The following TJP2 variants were observed in gnomAD, a reference collection of about 807,000 sequenced individuals.
TJP2 encodes tight junction protein 2.
A neutral mutation model predicts 133.1 loss-of-function variants in TJP2; 91 were observed. That is an observed-to-expected ratio of 0.68 (90% CI 0.58 to 0.81). TJP2 has a LOEUF of 0.81. Among genes scored for constraint, TJP2 ranks in the 40% least tolerant of loss-of-function variants. The pLI is 0.00. For missense variants in TJP2, 1,541 were observed against 1,565.6 expected, an observed-to-expected ratio of 0.98 and a Z score of 0.26; for synonymous variants, 592 against 583.4, an observed-to-expected ratio of 1.01 and a Z score of -0.21.
chr9:69,244,293 C>G (rs1830778852), intron 17 of TJP2, among the ~76,000 whole-genome samples: 1 of 151,992 alleles, frequency 6.6e-6, no homozygotes, highest in African/African-American at 2.4e-5. Context: ...TTATCATCCC[C>G]AAAAGATACC....
chr9:69,221,575 C>T (rs1416869251), intron 5 of TJP2, 79 bp downstream of exon 5: 28 of 1,523,260 alleles, frequency 1.8e-5, no homozygotes, highest in African/African-American at 8.3e-5. Flanking sequence ...TTTTTTCCCC[C>T]GAAAGTGTTG....
intron 1 of TJP2, among the ~76,000 whole-genome samples, chr9:69,188,995 G>A (rs1826035677): frequency 2.0e-5 from 3 of 152,186 alleles, no homozygotes; most frequent in Non-Finnish European, 2.9e-5. Flanking sequence ...AAGTTACCTT[G>A]GGGTCAAAGT....
chr9:69,202,340 C>T (rs1436807128), intron 1 of TJP2, among the ~76,000 whole-genome samples: 6 of 152,166 alleles, frequency 3.9e-5, no homozygotes, highest in Non-Finnish European at 7.4e-5. Context: ...AGCTCCTCCC[C>T]TTAACACTTA....
At chr9:69,231,253 G>A (rs1829756759) in intron 11 of TJP2, among the ~76,000 whole-genome samples, 1 of 152,076 alleles carries the variant, frequency 6.6e-6, no homozygotes, top group Non-Finnish European at 1.5e-5. Flanking sequence ...GGGATTACAG[G>A]TGAACTCTTA....
At chr9:69,136,035 C>T (rs947426964) in intron 1 of TJP2, among the ~76,000 whole-genome samples, 3 of 152,150 alleles carry the variant, frequency 2.0e-5, no homozygotes, top group African/African-American at 7.2e-5. Context: ...ATGACTATGA[C>T]ATCATACCTA....
intron 11 of TJP2, among the ~76,000 whole-genome samples, chr9:69,232,839 A>G (rs1489507025): frequency 6.6e-6 from 1 of 152,208 alleles, no homozygotes; most frequent in Non-Finnish European, 1.5e-5. Flanking sequence ...TTTAAAATAT[A>G]ACTACCATGT....
chr9:69,132,747 A>G (rs888020774), intron 1 of TJP2, among the ~76,000 whole-genome samples: 4 of 152,188 alleles, frequency 2.6e-5, no homozygotes, highest in Non-Finnish European at 5.9e-5. Flanking sequence ...TGAATGAGGA[A>G]AGGGGCAGTT....
intron 7 of TJP2, among the ~76,000 whole-genome samples, chr9:69,226,867 A>T (rs747724474): frequency 6.6e-6 from 1 of 152,218 alleles, no homozygotes. Flanking sequence ...GATAGCTAAA[A>T]CAAGTAGATG....
At chr9:69,147,873 T>C (rs554273710) in intron 1 of TJP2, among the ~76,000 whole-genome samples, 1 of 152,076 alleles carries the variant, frequency 6.6e-6, no homozygotes, top group East Asian at 1.9e-4. Context: ...CTTGTACCTA[T>C]AATACTCTTT....
In TJP2 at chr9:69,252,855, C is replaced by T. The variant is rs1425927058; in HGVS notation, c.3362C>T (p.Pro1121Leu). The T allele has an allele frequency of 6.2e-7, 1 of 1,614,130 alleles. No homozygotes were observed. The highest frequency in any genetic ancestry group is 2.2e-5 in the East Asian group (1 of 44,878). Reference protein sequence around the residue: ...AQKHPDIYAVPIKTHKPDPGT... With the variant: ...AQKHPDIYAVLIKTHKPDPGT... ...AAGCATCCTGATATCTATGCAGTTC[C>T]AATCAAAACGCACAAGCCAGACCCT... The change falls in exon 22 of 23, where the codon CCA becomes CTA. Residue 1121 changes from proline to leucine, a missense_variant. By Grantham distance (98) the Pro-to-Leu change is moderately conservative. Transcript: ENST00000377245.
intron 2 of TJP2, among the ~76,000 whole-genome samples, chr9:69,156,459 G>A (rs1823762957): frequency 6.6e-6 from 1 of 152,044 alleles, no homozygotes; most frequent in South Asian, 2.1e-4. Flanking sequence ...GCCCAGGGTG[G>A]TCAGAGTACA....
At chr9:69,215,959 G>T (rs1312958916) in intron 2 of TJP2, among the ~76,000 whole-genome samples, 1 of 152,120 alleles carries the variant, frequency 6.6e-6, no homozygotes, top group Non-Finnish European at 1.5e-5. Flanking sequence ...TTTAGTACAG[G>T]TTCAGTTTTT....
At chr9:69,121,895 C>G (rs925035389) in intron 1 of TJP2, 2 of 152,742 alleles carry the variant, frequency 1.3e-5, no homozygotes, top group Admixed American at 1.3e-4. Flanking sequence ...CGCTGGTGCC[C>G]TGGGTCGTTT....
intron 1 of TJP2, among the ~76,000 whole-genome samples, chr9:69,146,350 T>C (rs1356051080): frequency 2.0e-5 from 3 of 152,242 alleles, no homozygotes; most frequent in African/African-American, 7.2e-5. Context: ...GTTCTAACTT[T>C]CTTCTCTGAA....
chr9:69,174,925 T>C (rs1178881197), intron 1 of TJP2, among the ~76,000 whole-genome samples: 1 of 127,284 alleles, frequency 7.9e-6, no homozygotes, highest in African/African-American at 2.9e-5. Flanking sequence ...TTTTTTTTTT[T>C]TTTCCAGTAG....
Position 69,174,344 on chromosome 9 carries a change from T to A in TJP2, c.-29T>A. 5.8e-6 allele frequency: 9 copies of A among 1,551,060 alleles called. No individual in the cohort carries two copies. Among genetic ancestry groups the A allele is most frequent in the Non-Finnish European group, 7.0e-6 (8 of 1,146,828 alleles). On this transcript the variant is annotated 5_prime_UTR_variant, in exon 1 of 23. Transcript: ENST00000377245. ...CAGAAGCAGAAGCGGGGTCCGGAGC[T>A]GCGCGCCTACGCGGGACCTGTGTCC...
intron 1 of TJP2, among the ~76,000 whole-genome samples, chr9:69,210,096 G>A (rs1827753499): frequency 6.6e-6 from 1 of 151,874 alleles, no homozygotes; most frequent in Non-Finnish European, 1.5e-5. Flanking sequence ...AGATGAGCCT[G>A]GCCAACATGG....
At chr9:69,170,899 C>T (rs1014323769), upstream of TJP2, among the ~76,000 whole-genome samples, 2 of 152,108 alleles carry the variant, frequency 1.3e-5, no homozygotes, top group East Asian at 1.9e-4. Flanking sequence ...TGGGATTGTC[C>T]CCTCCCAAGA....
chr9:69,148,247 AT>A (rs757371061), intron 1 of TJP2, among the ~76,000 whole-genome samples: 288 of 83,302 alleles, frequency 3.5e-3, no homozygotes, highest in Middle Eastern at 9.4e-3. Context: ...ATTTTTTTTA[AT>A]TTTTTTTTTT....
Sources: allele counts gnomAD v4.1 joint callset (sites outside exome capture counted in the v4.1 genomes callset), GRCh38; gene constraint gnomAD v4.1.1; transcripts MANE v1.5; gene names NCBI Gene and HGNC (gene_info 2026-07-23, HGNC 2026-07-21).